CCNYL1: variants seen among roughly 807,000 people sequenced by gnomAD.
CCNYL1 encodes the protein cyclin-Y-like protein 1.
In CCNYL1, 16 loss-of-function variants were observed where a neutral mutation model predicts 44.2. The ratio of observed to expected loss-of-function variants is 0.36; its 90% CI spans 0.25 to 0.55. CCNYL1 has a LOEUF of 0.55. Among genes scored for constraint, CCNYL1 ranks in the 20% least tolerant of loss-of-function variants. The pLI is 0.85. For synonymous variants in CCNYL1, 159 were observed against 163.2 expected, an observed-to-expected ratio of 0.97 and a Z score of 0.20; for missense variants, 348 against 451.8, an observed-to-expected ratio of 0.77 and a Z score of 2.08.
intron 1 of CCNYL1, 75 bp from the exon 2 acceptor site, chr2:207,724,725 T>C: frequency 2.0e-6 from 2 of 1,024,734 alleles, no homozygotes; most frequent in East Asian, 2.4e-5. Flanking sequence ...GTGATTAAAA[T>C]GGATGTGTAT....
chr2:207,745,100 CAGG>C (rs1435189901), intron 7 of CCNYL1, among the ~76,000 whole-genome samples: 1 of 151,928 alleles, frequency 6.6e-6, no homozygotes, highest in Non-Finnish European at 1.5e-5. Context: ...AAGGGACAAA[CAGG>C]AGTGGGTTAA....
intron 1 of CCNYL1, among the ~76,000 whole-genome samples, chr2:207,715,745 C>T (rs11896459): frequency 0.36 from 53,848 of 148,656 alleles, 10,320 homozygotes; most frequent in Middle Eastern, 0.55. Context: ...GGCGCGATCT[C>T]GGCTCACTGT....
At chr2:207,723,278 A>T (rs1398343274) in intron 1 of CCNYL1, among the ~76,000 whole-genome samples, 1 of 152,184 alleles carries the variant, frequency 6.6e-6, no homozygotes, top group African/African-American at 2.4e-5. Flanking sequence ...AAGTCCCAAA[A>T]TTATGTTCAT....
At position 207,742,289 on chromosome 2, in the gene CCNYL1, C is replaced by T. The variant is rs1217839974; in HGVS notation, c.586C>T (p.Arg196Cys). The change falls in exon 7 of 10, where the codon CGT (arginine) becomes TGT (cysteine). Residue 196 changes from arginine (R) to cysteine (C), a missense_variant. By Grantham distance (180) the Arg-to-Cys change is radical. Around this residue, in one of 3 missense-constraint regions of CCNYL1, gnomAD observed 45 missense variants for 101.7 expected, o/e 0.44. Coordinates refer to ENST00000295414, the MANE Select transcript of CCNYL1 (RefSeq NM_001330218.2). ...GCACAAATTTATTTACAGATTTGTT[C>T]GTACTCTTTTTAGTGCTGCACAGCT... ...PEHKFIYRFV[R>C]TLFSAAQLTA... 13 of 1,612,872 alleles carry T rather than the reference C, an allele frequency of 8.1e-6. No individual in the cohort carries two copies. The highest frequency in any genetic ancestry group is 1.8e-4 in the Middle Eastern group (1 of 5,658).
At position 207,724,822 on chromosome 2, in the gene CCNYL1, T is replaced by G. The variant is rs1445040264; in HGVS notation, c.243T>G (p.Pro81=). The G allele has an allele frequency of 6.2e-7, 1 of 1,613,672 alleles. No individual in the cohort carries two copies. The highest frequency in any genetic ancestry group is 8.5e-7 in the Non-Finnish European group (1 of 1,179,826). Residue 81 remains proline, a synonymous_variant, in exon 2 of 10, where the codon CCT becomes CCG. Coordinates refer to ENST00000295414, the MANE Select transcript of CCNYL1 (RefSeq NM_001330218.2). The part of the protein sequence containing the change: ...MPEDLALESN[P]SDHPRASTIF... ...TAGATTTAGCTTTGGAGTCAAACCC[T>G]TCTGACCATCCAAGGGCAAGCACAA... is the stretch of plus-strand genomic sequence containing the variant.
At chr2:207,748,016 A>G (rs2091866216) in intron 8 of CCNYL1, among the ~76,000 whole-genome samples, 1 of 152,158 alleles carries the variant, frequency 6.6e-6, no homozygotes, top group Non-Finnish European at 1.5e-5. Context: ...TTTGGCCACT[A>G]TTAGGTCTTA....
Position 207,734,070 on chromosome 2 carries a change from G to T in CCNYL1, c.431+23G>T, listed in dbSNP as rs752287007. The T allele has an allele frequency of 8.1e-6, 12 of 1,481,040 alleles. No homozygotes were observed. The Admixed American group carries it at 1.5e-4, about 19-fold the overall frequency. The allele number at this position is 1,481,040 out of a possible 1,614,324, so 91.7% of individuals were successfully genotyped here. ...ATGGTGAGTACAACTAGGCTGCCAA[G>T]GGCTGAGTGACAGACCCCCTTATGC... On this transcript the variant is annotated intron_variant, in intron 4 of 9. Transcript: ENST00000295414.
rs1316930932 is a variant in CCNYL1 at position 207,741,859 on chromosome 2, A to G, written c.520-364A>G. On this transcript the variant is annotated intron_variant, in intron 6 of 9. Coordinates refer to ENST00000295414, the MANE Select transcript of CCNYL1 (RefSeq NM_001330218.2). ...AGACTGGGTCTCAAAAAAAAAAAAA[A>G]AAGTACTTAGGCCGGGCGTGGTGTC... is the stretch of plus-strand genomic sequence containing the variant. 4.0e-5 allele frequency among the ~76,000 whole-genome samples: 6 copies of G among 150,514 alleles called. No homozygotes were observed. In the South Asian group the frequency reaches 6.3e-4, roughly 16 times the overall value.
Position 207,724,832 on chromosome 2 carries a change from C to T in CCNYL1, c.253C>T (p.Pro85Ser). 6.2e-7 allele frequency: 1 copy of T among 1,613,452 alleles called. No homozygotes were observed. The highest frequency in any genetic ancestry group is 8.5e-7 in the Non-Finnish European group (1 of 1,179,738). The change falls in exon 2 of 10, where the codon CCA (proline) becomes TCA (serine). Residue 85 changes from proline to serine, a missense_variant. By Grantham distance (74) the Pro-to-Ser change is moderately conservative (BLOSUM62 -1). This residue lies in a region of CCNYL1 where 209 missense variants were observed against 247.7 expected (regional missense o/e 0.84). Transcript: ENST00000295414. ...TTTGGAGTCAAACCCTTCTGACCAT[C>T]CAAGGGCAAGCACAATTTTCCTGAG... ...LALESNPSDH[P>S]RASTIFLSKS...
intron 1 of CCNYL1, among the ~76,000 whole-genome samples, chr2:207,723,534 A>G (rs1251961133): frequency 1.3e-5 from 2 of 152,064 alleles, no homozygotes; most frequent in African/African-American, 2.4e-5. Flanking sequence ...GTTACTCTGG[A>G]TCTTGGCCCA....
intron 8 of CCNYL1, among the ~76,000 whole-genome samples, chr2:207,748,568 C>T (rs911403125): frequency 3.3e-5 from 5 of 152,164 alleles, no homozygotes; most frequent in Admixed American, 1.3e-4. Context: ...TTGTGGGTGG[C>T]ATTTAGAAAA....
At chr2:207,739,796 A>C (rs1247230697) in intron 5 of CCNYL1, among the ~76,000 whole-genome samples, 1 of 152,236 alleles carries the variant, frequency 6.6e-6, no homozygotes, top group Non-Finnish European at 1.5e-5. Flanking sequence ...AAACTGCAAG[A>C]GGCAGTAAAG....
chr2:207,753,539 G>C, intron 9 of CCNYL1, 49 bp from the exon 10 acceptor site: 1 of 1,268,560 alleles, frequency 7.9e-7, no homozygotes, highest in Non-Finnish European at 1.2e-6. Context: ...TCAAAGGCGG[G>C]AACCCTTTTT....
chr2:207,712,811 G>T (rs1029950081), intron 1 of CCNYL1, among the ~76,000 whole-genome samples: 5 of 152,156 alleles, frequency 3.3e-5, no homozygotes, highest in African/African-American at 9.6e-5. Context: ...TACCAGGGGT[G>T]CAGACAAGTT....
chr2:207,752,534 CAA>C (rs61700477), intron 9 of CCNYL1, among the ~76,000 whole-genome samples: 2 of 133,560 alleles, frequency 1.5e-5, no homozygotes. Flanking sequence ...ACCCTTGTCT[CAA>C]AAAAAAAAAA....
At chr2:207,734,329 T>A (rs1319878029) in intron 4 of CCNYL1, among the ~76,000 whole-genome samples, 3 of 152,242 alleles carry the variant, frequency 2.0e-5, no homozygotes, top group Non-Finnish European at 2.9e-5. Flanking sequence ...GTGTCGAACA[T>A]AATGTGAGAA....
chr2:207,723,832 G>C (rs2091659638), intron 1 of CCNYL1, among the ~76,000 whole-genome samples: 1 of 137,424 alleles, frequency 7.3e-6, no homozygotes, highest in South Asian at 2.3e-4. Flanking sequence ...CTGAGACCGT[G>C]CCACTGCACT....
intron 9 of CCNYL1, among the ~76,000 whole-genome samples, chr2:207,752,054 C>A (rs1415916863): frequency 6.6e-6 from 1 of 151,762 alleles, no homozygotes; most frequent in African/African-American, 2.4e-5. Flanking sequence ...AAAATTTTTT[C>A]TTTGCGACTG....
At chr2:207,717,122 A>AG (rs2091603262) in intron 1 of CCNYL1, among the ~76,000 whole-genome samples, 3 of 151,926 alleles carry the variant, frequency 2.0e-5, no homozygotes, top group Admixed American at 2.0e-4. Flanking sequence ...AAAAAAAAAA[A>AG]AAAAAGTTCT....
Sources: gnomAD v4.1 joint callset for allele counts (sites outside exome capture counted in the v4.1 genomes callset) on GRCh38, gnomAD v4.1.1 for gene constraint, gnomAD v4.1.1 regional missense constraint, MANE v1.5 for transcripts, NCBI Gene and HGNC (gene_info 2026-07-23, HGNC 2026-07-21) for gene names.